SETD1B: variants seen among roughly 807,000 people sequenced by gnomAD.
SETD1B encodes the protein SET domain containing 1B, histone lysine methyltransferase, also known as histone-lysine N-methyltransferase SETD1B.
A neutral mutation model predicts 148.0 loss-of-function variants in SETD1B; 7 were observed. That is an observed-to-expected ratio of 0.05 (90% CI 0.03 to 0.09). The LOEUF (loss-of-function observed/expected upper bound fraction) is 0.09, where lower values mean the gene tolerates loss of function less well. Ranked by LOEUF, SETD1B falls within the 10% of genes least tolerant of loss-of-function variation. The pLI is 1.00. For synonymous variants in SETD1B, 1,361 were observed against 1,186.5 expected (o/e 1.15, Z -3.02); for missense variants, 2,155 against 2,729.9 (o/e 0.79, Z 4.69).
In SETD1B at chr12:121,825,321, C is replaced by T. The variant is rs534882370; in HGVS notation, c.5292C>T (p.Leu1764=). The T allele has an allele frequency of 7.1e-6, 11 of 1,551,568 alleles. No homozygotes were observed. The South Asian group carries it at 8.3e-5, about 12-fold the overall frequency. The change falls in exon 13 of 17, where the codon CTC becomes CTT. Residue 1764 remains leucine (L), a synonymous_variant. Coordinates refer to ENST00000604567, the MANE Select transcript of SETD1B (RefSeq NM_001353345.2). ...TIDKKDKLRY[L]NSSRASTDEP... ...ACAAGAAGGACAAGCTCAGATACCT[C>T]AACAGCAGCCGTGCCAGCACCGATG...
chr12:121,820,792 C>CA (rs1175109766), intron 11 of SETD1B, among the ~76,000 whole-genome samples: 1 of 152,226 alleles, frequency 6.6e-6, no homozygotes, highest in Admixed American at 6.5e-5. Context: ...CTCGGCCTCC[C>CA]AAAGTGCTGG....
At chr12:121,827,325 A>T (rs1876889351) in intron 13 of SETD1B, among the ~76,000 whole-genome samples, 194 bp from the exon 14 acceptor site, 1 of 152,140 alleles carries the variant, frequency 6.6e-6, no homozygotes, top group Non-Finnish European at 1.5e-5. Context: ...TTTTGAAGAT[A>T]GAAGGAGCTT....
Position 121,805,314 on chromosome 12 carries a change from C to T in SETD1B, c.273+98C>T, listed in dbSNP as rs1875677077. 1.9e-6 allele frequency: 2 copies of T among 1,059,366 alleles called. No homozygotes were observed. The highest frequency in any genetic ancestry group is 2.9e-5 in the South Asian group (2 of 68,892). The allele number at this position is 1,059,366 out of a possible 1,614,324, so 65.6% of individuals were successfully genotyped here. The stretch of plus-strand genomic sequence containing the variant: ...CGAGCCCAGCCGGATTCCCAGTTCC[C>T]GCCGTCCGGGGCCAGGGAAGTTTTG... On this transcript the variant is annotated intron_variant, in intron 3 of 16. Transcript: ENST00000604567. The surrounding 1 kb of genome is among the most constrained non-coding windows in gnomAD (Gnocchi z 4.2).
At position 121,808,567 on chromosome 12, in the gene SETD1B, C is replaced by T. The variant is rs77235808; in HGVS notation, c.657+247C>T. Among the ~76,000 whole-genome samples, 1,431 of 152,358 alleles carry T rather than the reference C, an allele frequency of 9.4e-3. 17 individuals are homozygous for T. Among genetic ancestry groups the T allele is most frequent in the Middle Eastern group, 0.034 (10 of 294 alleles). On this transcript the variant is annotated intron_variant, in intron 5 of 16. Coordinates refer to ENST00000604567, the MANE Select transcript of SETD1B (RefSeq NM_001353345.2). The surrounding 1 kb of genome is among the most constrained non-coding windows in gnomAD (Gnocchi z 5.3). ...ATGGGATTGGTTCTGTTTCCTGTGG[C>T]TTCTCCCCTCCCCAGCACAGGCTGT...
Position 121,814,684 on chromosome 12 carries a change from G to A in SETD1B, c.2469G>A (p.Leu823=). 4 of 1,550,194 alleles carry A rather than the reference G, an allele frequency of 2.6e-6. No homozygotes were observed. In the East Asian group the frequency reaches 9.8e-5, roughly 38 times the overall value. Residue 823 remains leucine, a synonymous_variant, in exon 7 of 17, where the codon CTG becomes CTA. Transcript: ENST00000604567. The stretch of plus-strand genomic sequence containing the variant: ...CGCCCTACCGGGGCCCCTTCTCCCT[G>A]AGCAACTCCGGCCCAGGCCGCGGGC... ...NLPPYRGPFS[L]SNSGPGRGQH...
At chr12:121,821,162 C>T (rs1876548589) in intron 11 of SETD1B, among the ~76,000 whole-genome samples, 2 of 152,154 alleles carry the variant, frequency 1.3e-5, no homozygotes, top group South Asian at 2.1e-4. Flanking sequence ...TGAACATTGA[C>T]TCAATACTAA....
At chr12:121,828,450 T>TG (rs1263739463) in intron 16 of SETD1B, among the ~76,000 whole-genome samples, 3 of 152,166 alleles carry the variant, frequency 2.0e-5, no homozygotes, top group Admixed American at 6.5e-5. Context: ...AAGGGGGAGG[T>TG]GCACTGCGTG....
In SETD1B at chr12:121,819,841, C is replaced by G; in HGVS notation, c.3856C>G (p.Pro1286Ala). Residue 1286 changes from proline to alanine, a missense_variant, in exon 11 of 17, where the codon CCC (proline) becomes GCC (alanine). Around this residue, in one of 11 missense-constraint regions of SETD1B, gnomAD observed 862 missense variants for 873.8 expected, o/e 0.99. Coordinates refer to ENST00000604567, the MANE Select transcript of SETD1B (RefSeq NM_001353345.2). ...AGGGGCCATGTTGCTGTCTCCAGAG[C>G]CCCCTGCCAAGGAGGTGGAGGCTCG... ...QEGAMLLSPE[P>A]PAKEVEARPP... The G allele has an allele frequency of 6.4e-7, 1 of 1,551,436 alleles. No homozygotes were observed. Among genetic ancestry groups the G allele is most frequent in the Non-Finnish European group, 8.7e-7 (1 of 1,146,914 alleles).
chr12:121,825,470 A>T, intron 13 of SETD1B, 104 bp downstream of exon 13: 10 of 778,126 alleles, frequency 1.3e-5, no homozygotes, highest in Middle Eastern at 4.8e-4. Context: ...TTGTGAGGCC[A>T]GAGGGGCTGG....
In SETD1B at chr12:121,810,963, A is replaced by C. The variant is rs1467463661; in HGVS notation, c.1890+128A>C. On this transcript the variant is annotated intron_variant, in intron 6 of 16. Coordinates refer to ENST00000604567, the MANE Select transcript of SETD1B (RefSeq NM_001353345.2). The surrounding 1 kb of genome is among the most constrained non-coding windows in gnomAD (Gnocchi z 7.6). ...ATGGGGCTAGGAAAGCCAATATAACAGGTGGAACTTACAGAATAAAAAGGG... is the reference window on the plus strand; with the variant it reads ...ATGGGGCTAGGAAAGCCAATATAACCGGTGGAACTTACAGAATAAAAAGGG... 1.7e-6 allele frequency: 2 copies of C among 1,200,466 alleles called. No homozygotes were observed. Among genetic ancestry groups the C allele is most frequent in the Non-Finnish European group, 2.3e-6 (2 of 887,536 alleles). The allele number at this position is 1,200,466 out of a possible 1,614,324, so 74.4% of individuals were successfully genotyped here. A position where few individuals can be genotyped will look rare whatever the true frequency, so the allele number is the denominator to read the frequency against.
intron 6 of SETD1B, among the ~76,000 whole-genome samples, chr12:121,812,568 C>G (rs1876088539): frequency 6.6e-6 from 1 of 151,856 alleles, no homozygotes; most frequent in Admixed American, 6.6e-5. Context: ...CAGGGCCGGC[C>G]GGGGCTGGAG....
At position 121,817,934 on chromosome 12, in the gene SETD1B, C is replaced by T. The variant is rs1876379312; in HGVS notation, c.3418+30C>T. 6.7e-7 allele frequency: 1 copy of T among 1,498,800 alleles called. No individual in the cohort carries two copies. Among genetic ancestry groups the T allele is most frequent in the Non-Finnish European group, 8.9e-7 (1 of 1,120,344 alleles). The allele number at this position is 1,498,800 out of a possible 1,614,324, so 92.8% of individuals were successfully genotyped here. On this transcript the variant is annotated intron_variant, in intron 10 of 16. Coordinates refer to ENST00000604567, the MANE Select transcript of SETD1B (RefSeq NM_001353345.2). The surrounding 1 kb of genome is among the most constrained non-coding windows in gnomAD (Gnocchi z 8.1). ...GCAGGGAGGCCGTGGCTGCCTGGCCCTCCCGGAGTCCCTCTTTCCCCGGGG... is the reference window on the plus strand; with the variant it reads ...GCAGGGAGGCCGTGGCTGCCTGGCCTTCCCGGAGTCCCTCTTTCCCCGGGG...
intron 13 of SETD1B, among the ~76,000 whole-genome samples, chr12:121,826,016 C>T (rs993109718): frequency 1.3e-5 from 2 of 151,954 alleles, no homozygotes; most frequent in East Asian, 1.9e-4. Context: ...TGTTCTGGGT[C>T]TATAGCAGTG....
chr12:121,800,154 A>AAGGCC (rs1456048430), upstream of SETD1B: 1 of 151,870 alleles, frequency 6.6e-6, no homozygotes, highest in Non-Finnish European at 1.5e-5. Context: ...TGCATTTCCA[A>AAGGCC]AGGCCCGCCC....
chr12:121,808,479 C>A lies in SETD1B; in HGVS notation c.657+159C>A, dbSNP rs2137548657. Among the ~76,000 whole-genome samples, 1 of 152,308 alleles carries A rather than the reference C, an allele frequency of 6.6e-6. No individual in the cohort carries two copies. The highest frequency in any genetic ancestry group is 1.5e-5 in the Non-Finnish European group (1 of 68,012). Reference sequence around the variant, plus strand: ...AGGAGGGTGTGAAGCCTGGCCACGCCCCCCACAATTGGGAGCAGGGCCTAG... The same window carrying A: ...AGGAGGGTGTGAAGCCTGGCCACGCACCCCACAATTGGGAGCAGGGCCTAG... On this transcript the variant is annotated intron_variant, in intron 5 of 16. Transcript: ENST00000604567. The surrounding 1 kb of genome is among the most constrained non-coding windows in gnomAD (Gnocchi z 5.3).
the SETD1B span, among the ~76,000 whole-genome samples, chr12:121,799,004 C>G: frequency 8.5e-5 from 13 of 152,204 alleles, no homozygotes; most frequent in African/African-American, 2.9e-4. Flanking sequence ...GTTCCCAGAC[C>G]ACAGCATCAG....
At position 121,809,999 on chromosome 12, in the gene SETD1B, C is replaced by T. The variant is rs2137551539; in HGVS notation, c.1054C>T (p.Leu352Phe). Residue 352 changes from leucine (L) to phenylalanine (F), a missense_variant, in exon 6 of 17, where the codon CTC (leucine) becomes TTC (phenylalanine). Physicochemically the swap from Leu to Phe is conservative, Grantham distance 22. Transcript: ENST00000604567. ...AGCCGCTTTCCGGGGTTCCTCGGACCTCCCGTTCGGAGCAGTCGGCGGCAC... is the reference window on the plus strand; with the variant it reads ...AGCCGCTTTCCGGGGTTCCTCGGACTTCCCGTTCGGAGCAGTCGGCGGCAC... The part of the protein sequence containing the change: ...ATAAFRGSSD[L>F]PFGAVGGTGG... The T allele has an allele frequency of 6.4e-7, 1 of 1,550,686 alleles. No individual in the cohort carries two copies. Among genetic ancestry groups the T allele is most frequent in the East Asian group, 2.4e-5 (1 of 40,910 alleles).
upstream of SETD1B, chr12:121,799,467 G>C (rs1367681581): frequency 6.6e-6 from 1 of 152,270 alleles, no homozygotes; most frequent in Admixed American, 6.5e-5. Context: ...TGCCCCACGG[G>C]GGCGGCTGGA....
At position 121,804,908 on chromosome 12, in the gene SETD1B, G is replaced by A. The variant is rs961202138; in HGVS notation, c.171G>A (p.Leu57=). Residue 57 remains leucine (L), a synonymous_variant, in exon 2 of 17, where the codon CTG becomes CTA. Coordinates refer to ENST00000604567, the MANE Select transcript of SETD1B (RefSeq NM_001353345.2). The surrounding 1 kb of genome is among the most constrained non-coding windows in gnomAD (Gnocchi z 4.6). The part of the protein sequence containing the change: ...LYRYDGQHFS[L]AMSSNRPVEI... ...GCTACGATGGGCAGCATTTCAGCCT[G>A]GCGGTGAGTAGCCGGCGCGCCCCCC... 6.6e-6 allele frequency: 10 copies of A among 1,505,514 alleles called. No individual in the cohort carries two copies. The highest frequency in any genetic ancestry group is 8.9e-6 in the Non-Finnish European group (10 of 1,125,820). 93.3% of individuals were successfully genotyped at this position (1,505,514 alleles called of 1,614,324 possible).
Sources: allele counts gnomAD v4.1 joint callset (sites outside exome capture counted in the v4.1 genomes callset), GRCh38; gene constraint gnomAD v4.1.1; regional missense constraint gnomAD v4.1.1; non-coding constraint Gnocchi (gnomAD v3.1); transcripts MANE v1.5; gene names NCBI Gene and HGNC (gene_info 2026-07-23, HGNC 2026-07-21).